Variants in DROSHA observed in about 807,000 individuals in gnomAD.
DROSHA encodes the protein ribonuclease 3.
In DROSHA, 56 loss-of-function variants were observed where a neutral mutation model predicts 181.9. That is an observed-to-expected ratio of 0.31 (90% CI 0.25 to 0.38). The LOEUF is 0.38. DROSHA is among the 10% of genes least tolerant of loss of function. DROSHA has a pLI of 1.00. For missense variants in DROSHA, 1,218 were observed against 1,743.5 expected (o/e 0.70, Z 5.37); for synonymous variants, 524 against 591.2 (o/e 0.89, Z 1.65).
At chr5:31,509,675 A>G (rs1207322425) in intron 9 of DROSHA, among the ~76,000 whole-genome samples, 1 of 152,246 alleles carries the variant, frequency 6.6e-6, no homozygotes, top group Non-Finnish European at 1.5e-5. Context: ...TGCAAGACCA[A>G]AGACTTGACA....
chr5:31,460,739 A>C (rs907450113), intron 20 of DROSHA, among the ~76,000 whole-genome samples: 3 of 152,222 alleles, frequency 2.0e-5, no homozygotes, highest in African/African-American at 7.2e-5. Context: ...CCAGTCAATT[A>C]GATTTTTATT....
At chr5:31,436,238 A>G (rs1052675470) in intron 24 of DROSHA, among the ~76,000 whole-genome samples, 1 of 152,166 alleles carries the variant, frequency 6.6e-6, no homozygotes. Flanking sequence ...TGGAGAGAGG[A>G]GTCCCTTCTC....
At chr5:31,486,701 C>T (rs935899556) in intron 13 of DROSHA, 139 bp from the exon 14 acceptor site, 2 of 639,070 alleles carry the variant, frequency 3.1e-6, no homozygotes, top group Non-Finnish European at 5.2e-6. Context: ...CAACACTGCA[C>T]ATGAAGCTTG....
intron 25 of DROSHA, 87 bp from the exon 26 acceptor site, chr5:31,431,765 G>A: frequency 1.6e-6 from 2 of 1,240,770 alleles, no homozygotes; most frequent in Non-Finnish European, 1.2e-6. Flanking sequence ...GAGAGTTGGT[G>A]CGGAGACGAG....
At chr5:31,482,001 G>A (rs1751081481) in intron 16 of DROSHA, among the ~76,000 whole-genome samples, 1 of 152,222 alleles carries the variant, frequency 6.6e-6, no homozygotes, top group South Asian at 2.1e-4. Flanking sequence ...ACTGGAGGAA[G>A]CCAGACTCCG....
chr5:31,449,544 A>C (rs1321662408), intron 21 of DROSHA, 125 bp from the exon 22 acceptor site: 30 of 1,003,758 alleles, frequency 3.0e-5, no homozygotes, highest in Non-Finnish European at 3.1e-5. Flanking sequence ...CCTGGGCAAC[A>C]CAGTGAGACG....
chr5:31,526,546 G>C lies in DROSHA; in HGVS notation c.387C>G (p.Asn129Lys), dbSNP rs1411750304. The stretch of plus-strand genomic sequence containing the variant: ...CAGGAGGTGCCCCAGGGACTGGGGG[G>C]TTATTAGGACAAGGCATTGGTGGTG... ...PMPPPMPCPN[N>K]PPVPGAPPGQ... The change falls in exon 5 of 36, where the codon AAC becomes AAG. Residue 129 changes from asparagine to lysine, a missense_variant. Transcript: ENST00000344624. The C allele has an allele frequency of 1.3e-6, 2 of 1,551,860 alleles. No individual in the cohort carries two copies. Among genetic ancestry groups the C allele is most frequent in the Admixed American group, 1.9e-5 (1 of 52,002 alleles).
intron 16 of DROSHA, among the ~76,000 whole-genome samples, chr5:31,474,667 A>G (rs940017285): frequency 6.6e-6 from 1 of 152,160 alleles, no homozygotes; most frequent in African/African-American, 2.4e-5. Context: ...CCAGCCATAT[A>G]TTAAAATCTT....
intron 18 of DROSHA, 150 bp from the exon 19 acceptor site, chr5:31,466,431 T>G: frequency 1.5e-6 from 1 of 662,854 alleles, no homozygotes; most frequent in South Asian, 1.9e-5. Context: ...TAAGGAAGGC[T>G]ATGACTTTGA....
At chr5:31,435,542 A>G (rs909107574) in intron 25 of DROSHA, among the ~76,000 whole-genome samples, 1 of 152,190 alleles carries the variant, frequency 6.6e-6, no homozygotes, top group East Asian at 1.9e-4. Flanking sequence ...TCTGTTCTCA[A>G]GTTACCTCAC....
chr5:31,495,876 C>T (rs1443930030), intron 11 of DROSHA, among the ~76,000 whole-genome samples: 2 of 152,222 alleles, frequency 1.3e-5, no homozygotes, highest in Non-Finnish European at 2.9e-5. Context: ...AGAAGTAGCT[C>T]TGCCCTTGTT....
At chr5:31,509,038 G>A (rs1362004955) in intron 9 of DROSHA, among the ~76,000 whole-genome samples, 2 of 152,028 alleles carry the variant, frequency 1.3e-5, no homozygotes, top group African/African-American at 4.8e-5. Flanking sequence ...GACCAGGCTG[G>A]TCTCGAACTC....
At position 31,526,866 on chromosome 5, in the gene DROSHA, C is replaced by T. The variant is rs748803612; in HGVS notation, c.67G>A (p.Gly23Arg). 1.8e-5 allele frequency: 29 copies of T among 1,613,194 alleles called. No individual in the cohort carries two copies. In the South Asian group the frequency reaches 2.7e-4, roughly 15 times the overall value. ...GCTGAGGGTCTGGCTCCATGTCCTCCTCGTCCTCGGGGACACCCTCGTCCC... is the reference window on the plus strand; with the variant it reads ...GCTGAGGGTCTGGCTCCATGTCCTCTTCGTCCTCGGGGACACCCTCGTCCC... ...HPGRGCPRGR[G>R]GHGARPSAPS... The change falls in exon 5 of 36, where the codon GGA becomes AGA. Residue 23 changes from glycine to arginine, a missense_variant. Coordinates refer to ENST00000344624, the MANE Select transcript of DROSHA (RefSeq NM_001382508.1).
At chr5:31,463,678 T>G (rs1424756353) in intron 20 of DROSHA, among the ~76,000 whole-genome samples, 2 of 152,324 alleles carry the variant, frequency 1.3e-5, no homozygotes, top group Non-Finnish European at 2.9e-5. Context: ...ACAAAAATGC[T>G]TATTAGTCAG....
At chr5:31,441,481 C>CT (rs563537125) in intron 23 of DROSHA, among the ~76,000 whole-genome samples, 5 of 151,910 alleles carry the variant, frequency 3.3e-5, no homozygotes, top group Non-Finnish European at 5.9e-5. Flanking sequence ...CTTTAAAGGA[C>CT]TTTTTTTTGT....
rs1374172661 is a variant in DROSHA, at chr5:31,515,450, T to A, written c.1058+4A>T. 1 of 1,270,926 alleles carries A rather than the reference T, an allele frequency of 7.9e-7. No homozygotes were observed. Among genetic ancestry groups the A allele is most frequent in the Non-Finnish European group, 1.1e-6 (1 of 890,896 alleles). 78.7% of individuals were successfully genotyped at this position (1,270,926 alleles called of 1,614,324 possible). The stretch of plus-strand genomic sequence containing the variant: ...TTCCCAGGCCCCACCCCAGATCTAC[T>A]TACTGATTCACAATCTCCAGGGGTG... On this transcript the variant is annotated splice_donor_region_variant and intron_variant, in intron 7 of 35. Transcript: ENST00000344624.
intron 11 of DROSHA, among the ~76,000 whole-genome samples, chr5:31,499,657 A>G (rs1349159861): frequency 2.0e-5 from 3 of 152,164 alleles, no homozygotes; most frequent in African/African-American, 7.2e-5. Flanking sequence ...ATAGTCCCCA[A>G]ACCTTAGTCT....
intron 23 of DROSHA, among the ~76,000 whole-genome samples, chr5:31,446,737 G>A (rs1746351772): frequency 6.7e-6 from 1 of 150,066 alleles, no homozygotes. Flanking sequence ...TTCAGTGATA[G>A]ACTACATAAA....
chr5:31,507,796 G>GT (rs1738166144), intron 10 of DROSHA, among the ~76,000 whole-genome samples: 1 of 152,122 alleles, frequency 6.6e-6, no homozygotes, highest in Non-Finnish European at 1.5e-5. Context: ...CAACAAAGCT[G>GT]TTTAAAAAGA....
Sources: allele counts gnomAD v4.1 joint callset (sites outside exome capture counted in the v4.1 genomes callset), GRCh38; gene constraint gnomAD v4.1.1; transcripts MANE v1.5; gene names NCBI Gene and HGNC (gene_info 2026-07-23, HGNC 2026-07-21).